The following LSM14A variants were observed in gnomAD, a reference collection of about 807,000 sequenced individuals.
The protein encoded by LSM14A is LSM14A mRNA processing body assembly factor.
In LSM14A, 14 loss-of-function variants were observed where a neutral mutation model predicts 52.4. That is an observed-to-expected ratio of 0.27 (90% CI 0.18 to 0.42). The LOEUF (loss-of-function observed/expected upper bound fraction) is 0.42, where lower values mean the gene tolerates loss of function less well. Among genes scored for constraint, LSM14A ranks in the 10% least tolerant of loss-of-function variants. LSM14A has a pLI of 1.00. For synonymous variants in LSM14A, 185 were observed against 200.3 expected (o/e 0.92, Z 0.64); for missense variants, 417 against 581.8 (o/e 0.72, Z 2.91).
At chr19:34,187,265 T>C (rs1387241698) in intron 1 of LSM14A, among the ~76,000 whole-genome samples, 1 of 150,108 alleles carries the variant, frequency 6.7e-6, no homozygotes, top group Non-Finnish European at 1.5e-5. Context: ...AAAAAAAAAG[T>C]TCAGGCTTTG....
chr19:34,184,048 T>C (rs1471370262), intron 1 of LSM14A, among the ~76,000 whole-genome samples: 2 of 147,292 alleles, frequency 1.4e-5, no homozygotes, highest in Non-Finnish European at 3.0e-5. Flanking sequence ...TTCTAGACTT[T>C]CCTTTGCTTT....
chr19:34,196,876 A>C, intron 3 of LSM14A, 113 bp downstream of exon 3: 2 of 936,512 alleles, frequency 2.1e-6, no homozygotes, highest in South Asian at 3.9e-5. Flanking sequence ...TTCCTTTTGT[A>C]ACTTTGTTTT....
chr19:34,174,648 T>G lies in LSM14A; in HGVS notation c.121+1885T>G, dbSNP rs567518159. 2.0e-5 allele frequency among the ~76,000 whole-genome samples: 3 copies of G among 152,358 alleles called. No individual in the cohort carries two copies. The East Asian group carries it at 5.8e-4, about 29-fold the overall frequency. On this transcript the variant is annotated intron_variant, in intron 1 of 9. Transcript: ENST00000544216. ...TTTTTGCTTGGCCTTATTTTGAATT[T>G]ATTTTTATATTTTTTATACAATAGT... is the stretch of plus-strand genomic sequence containing the variant.
intron 1 of LSM14A, among the ~76,000 whole-genome samples, chr19:34,189,131 A>G (rs2145589215): frequency 1.3e-5 from 2 of 152,308 alleles, no homozygotes; most frequent in Middle Eastern, 3.4e-3. Flanking sequence ...AGCCTGCTGA[A>G]TCACTACATT....
intron 4 of LSM14A, among the ~76,000 whole-genome samples, chr19:34,213,188 T>C (rs2072297906): frequency 6.7e-6 from 1 of 148,846 alleles, no homozygotes; most frequent in South Asian, 2.1e-4. Flanking sequence ...GTTTTATAAG[T>C]GATTATAAAA....
At chr19:34,222,947 A>G (rs766652197) in intron 9 of LSM14A, among the ~76,000 whole-genome samples, 1 of 152,132 alleles carries the variant, frequency 6.6e-6, no homozygotes, top group Non-Finnish European at 1.5e-5. Context: ...CAAATATTTT[A>G]TTTGCCATTA....
chr19:34,195,864 A>G (rs1359828679), intron 2 of LSM14A, among the ~76,000 whole-genome samples: 1 of 152,212 alleles, frequency 6.6e-6, no homozygotes, highest in Non-Finnish European at 1.5e-5. Context: ...ATGGTGTTGA[A>G]TAACTTCTTC....
intron 1 of LSM14A, among the ~76,000 whole-genome samples, chr19:34,194,008 T>TA: frequency 6.6e-6 from 1 of 151,964 alleles, no homozygotes; most frequent in East Asian, 1.9e-4. Flanking sequence ...TCATCTCTAC[T>TA]AAAAAATAAA....
At chr19:34,182,263 A>G (rs770140158) in intron 1 of LSM14A, among the ~76,000 whole-genome samples, 21 of 152,298 alleles carry the variant, frequency 1.4e-4, no homozygotes, top group African/African-American at 4.6e-4. Flanking sequence ...TAGTGAACCT[A>G]TGTTTTCTTG....
At position 34,214,348 on chromosome 19, in the gene LSM14A, G is replaced by A. The variant is rs548029484; in HGVS notation, c.539-776G>A. ...TATTTATGAGACAGGGCCTTGCTCTGTCACCTAGGCTAGAGTGCAGTGGCA... is the reference window on the plus strand; with the variant it reads ...TATTTATGAGACAGGGCCTTGCTCTATCACCTAGGCTAGAGTGCAGTGGCA... On this transcript the variant is annotated intron_variant, in intron 4 of 9. Coordinates refer to ENST00000544216, the MANE Select transcript of LSM14A (RefSeq NM_015578.4). Among the ~76,000 whole-genome samples, 293 of 151,624 alleles carry A rather than the reference G, an allele frequency of 1.9e-3. 1 individual carries two copies. The highest frequency in any genetic ancestry group is 6.5e-3 in the African/African-American group (268 of 41,282).
rs1343706094 is a variant in LSM14A, at chr19:34,227,214, G to T, written c.1369-151G>T. 4 of 646,156 alleles carry T rather than the reference G, an allele frequency of 6.2e-6. No homozygotes were observed. The East Asian group carries it at 8.5e-5, about 14-fold the overall frequency. 40.0% of individuals were successfully genotyped at this position (646,156 alleles called of 1,614,324 possible). ...ACTGAGTATGGAAGTTATAGAAGGA[G>T]TTTCGTGGAAATGAGTGAGACAGGT... is the stretch of plus-strand genomic sequence containing the variant. On this transcript the variant is annotated intron_variant, in intron 9 of 9. Transcript: ENST00000544216.
chr19:34,215,274 CAGG>C lies in LSM14A; in HGVS notation c.692_694del (p.Gly231del), dbSNP rs759331586. ...CCTTTGCCATCTGCCAGCCAAAAGG[CAGG>C]AGAGAATCAGGAGCACAGGCGAGGT... is the stretch of plus-strand genomic sequence containing the variant. On this transcript the variant is annotated inframe_deletion, in exon 5 of 10. Transcript: ENST00000544216. 19 of 1,613,330 alleles carry C rather than the reference CAGG, an allele frequency of 1.2e-5. No individual in the cohort carries two copies. Among genetic ancestry groups the C allele is most frequent in the Middle Eastern group, 1.6e-4 (1 of 6,082 alleles).
In LSM14A at chr19:34,193,559, C is replaced by T. The variant is rs1242653326; in HGVS notation, c.122-919C>T. ...GCCAGTTTACTGTGTTGCAGGTGGT[C>T]CCCAGTTTAACTTTGAGTAATGCTG... On this transcript the variant is annotated intron_variant, in intron 1 of 9. Transcript: ENST00000544216. Among the ~76,000 whole-genome samples, 3 of 152,074 alleles carry T rather than the reference C, an allele frequency of 2.0e-5. No individual in the cohort carries two copies. The East Asian group carries it at 5.8e-4, about 29-fold the overall frequency.
At chr19:34,175,193 A>G (rs1219824650) in intron 1 of LSM14A, among the ~76,000 whole-genome samples, 1 of 151,506 alleles carries the variant, frequency 6.6e-6, no homozygotes, top group Non-Finnish European at 1.5e-5. Flanking sequence ...CATGGCTTTG[A>G]TATTTCATCC....
At chr19:34,182,260 C>G in intron 1 of LSM14A, among the ~76,000 whole-genome samples, 1 of 152,014 alleles carries the variant, frequency 6.6e-6, no homozygotes, top group East Asian at 1.9e-4. Flanking sequence ...TCTTAGTGAA[C>G]CTATGTTTTC....
chr19:34,184,458 C>A (rs546067482), intron 1 of LSM14A, among the ~76,000 whole-genome samples: 1 of 152,286 alleles, frequency 6.6e-6, no homozygotes, highest in Admixed American at 6.5e-5. Context: ...TTCTCTATAT[C>A]AATTATCAAT....
intron 6 of LSM14A, among the ~76,000 whole-genome samples, chr19:34,216,650 G>T (rs1485719472): frequency 1.3e-5 from 2 of 152,030 alleles, no homozygotes; most frequent in Non-Finnish European, 2.9e-5. Flanking sequence ...AGTAGAAACA[G>T]GGCTTTGCCA....
At chr19:34,199,243 A>AC (rs1267421212) in intron 3 of LSM14A, among the ~76,000 whole-genome samples, 3 of 151,130 alleles carry the variant, frequency 2.0e-5, no homozygotes, top group East Asian at 3.9e-4. Context: ...TCCCACCTCA[A>AC]CCTCCCGAGT....
intron 1 of LSM14A, among the ~76,000 whole-genome samples, chr19:34,191,670 G>A (rs1233904818): frequency 2.6e-5 from 4 of 152,060 alleles, no homozygotes; most frequent in African/African-American, 9.7e-5. Flanking sequence ...GAATTCACCT[G>A]GCTAAGCTCT....
Sources: gnomAD v4.1 joint callset for allele counts (sites outside exome capture counted in the v4.1 genomes callset) on GRCh38, gnomAD v4.1.1 for gene constraint, MANE v1.5 for transcripts, NCBI Gene and HGNC (gene_info 2026-07-23, HGNC 2026-07-21) for gene names.